The following RAPGEF5 variants were observed in gnomAD, a reference collection of about 807,000 sequenced individuals.
RAPGEF5 encodes the protein M-Ras-regulated GEF.
Under a neutral mutation model 125.2 loss-of-function variants are expected in RAPGEF5, and 65 were observed. That is an observed-to-expected ratio of 0.52 (90% CI 0.43 to 0.64). The LOEUF (loss-of-function observed/expected upper bound fraction) is 0.64, where lower values mean the gene tolerates loss of function less well. RAPGEF5 is among the 30% of genes least tolerant of loss of function. The pLI, the probability that RAPGEF5 is intolerant of heterozygous loss-of-function variation, is 0.00. For synonymous variants in RAPGEF5, 391 were observed against 385.9 expected (o/e 1.01, Z -0.16); for missense variants, 958 against 1,048.1 (o/e 0.91, Z 1.19).
chr7:22,340,963 G>GT (rs1784116730), intron 1 of RAPGEF5, among the ~76,000 whole-genome samples: 1 of 152,196 alleles, frequency 6.6e-6, no homozygotes, highest in Non-Finnish European at 1.5e-5. Context: ...GCCACACTGA[G>GT]TAACACGAGG....
At chr7:22,301,614 CAAAAAAAA>C (rs35404390) in intron 5 of RAPGEF5, among the ~76,000 whole-genome samples, 1 of 83,808 alleles carries the variant, frequency 1.2e-5, no homozygotes, top group Non-Finnish European at 2.4e-5. Flanking sequence ...GACTCTGTCT[CAAAAAAAA>C]AAAAAAAAAA....
At chr7:22,308,613 G>T (rs2128152518) in intron 4 of RAPGEF5, 106 bp from the exon 5 acceptor site, 2 of 917,890 alleles carry the variant, frequency 2.2e-6, no homozygotes, top group South Asian at 2.0e-5. Context: ...AGCAATCAGG[G>T]TTAAGACTAT....
chr7:22,186,717 C>G (rs141733959), intron 11 of RAPGEF5, among the ~76,000 whole-genome samples: 11 of 152,142 alleles, frequency 7.2e-5, no homozygotes, highest in African/African-American at 2.6e-4. Context: ...AACTAAAATT[C>G]ACAGTTACAT....
At chr7:22,170,628 T>C (rs1784319733) in intron 11 of RAPGEF5, among the ~76,000 whole-genome samples, 1 of 152,208 alleles carries the variant, frequency 6.6e-6, no homozygotes, top group Admixed American at 6.5e-5. Flanking sequence ...AGTCATTCCA[T>C]TCCAGAACAA....
intron 7 of RAPGEF5, among the ~76,000 whole-genome samples, chr7:22,245,369 TC>T (rs1429700507): frequency 5.3e-5 from 8 of 152,176 alleles, no homozygotes; most frequent in Admixed American, 2.0e-4. Context: ...TGGGGTCATT[TC>T]CACAAAAATC....
chr7:22,199,427 G>A (rs954522495), intron 9 of RAPGEF5, among the ~76,000 whole-genome samples: 11 of 147,218 alleles, frequency 7.5e-5, no homozygotes, highest in Admixed American at 6.9e-4. Context: ...GGGGCTCCCA[G>A]TATATAAGCT....
rs1562711574 is a variant in RAPGEF5 at position 22,140,119 on chromosome 7, T to C, written c.2187-4A>G. ...CAGGTTTCTCTGGGCTTTGCAGCTATAAAATAAAAGAGAGTAGAGGACACT... is the reference window on the plus strand; with the variant it reads ...CAGGTTTCTCTGGGCTTTGCAGCTACAAAATAAAAGAGAGTAGAGGACACT... On this transcript the variant is annotated splice_region_variant and splice_polypyrimidine_tract_variant and intron_variant, in intron 20 of 25. Coordinates refer to ENST00000665637, the MANE Select transcript of RAPGEF5 (RefSeq NM_012294.5). The C allele has an allele frequency of 1.2e-5, 19 of 1,551,838 alleles. No homozygotes were observed. The East Asian group carries it at 1.5e-4, about 12-fold the overall frequency.
intron 21 of RAPGEF5, among the ~76,000 whole-genome samples, chr7:22,137,640 T>C (rs1434975746): frequency 6.6e-6 from 1 of 152,204 alleles, no homozygotes; most frequent in Admixed American, 6.5e-5. Flanking sequence ...AGTAATCTTT[T>C]GTGGTAAACA....
intron 6 of RAPGEF5, among the ~76,000 whole-genome samples, chr7:22,289,350 T>C (rs1448781259): frequency 6.6e-6 from 1 of 152,192 alleles, no homozygotes; most frequent in Non-Finnish European, 1.5e-5. Context: ...AAATTCTGAG[T>C]TCTGACTCTT....
intron 18 of RAPGEF5, among the ~76,000 whole-genome samples, chr7:22,149,653 T>A (rs573397588): frequency 6.6e-6 from 1 of 151,834 alleles, no homozygotes; most frequent in East Asian, 1.9e-4. Flanking sequence ...CCCATCACCA[T>A]GACCCCGTTC....
chr7:22,176,350 A>C (rs1784508177), intron 11 of RAPGEF5, among the ~76,000 whole-genome samples: 1 of 152,192 alleles, frequency 6.6e-6, no homozygotes, highest in Non-Finnish European at 1.5e-5. Flanking sequence ...TGGTTAACAG[A>C]AATTCTAGGA....
intron 23 of RAPGEF5, among the ~76,000 whole-genome samples, chr7:22,135,618 T>G (rs1783056622): frequency 6.6e-6 from 1 of 152,222 alleles, no homozygotes; most frequent in Admixed American, 6.5e-5. Flanking sequence ...GTACTTCTCA[T>G]ACAACAGCAA....
intron 3 of RAPGEF5, 43 bp from the exon 4 acceptor site, chr7:22,310,133 T>C: frequency 6.9e-7 from 1 of 1,452,534 alleles, no homozygotes; most frequent in Non-Finnish European, 9.1e-7. Context: ...ATTGCTGACA[T>C]CCGTTTGCCA....
intron 1 of RAPGEF5, among the ~76,000 whole-genome samples, chr7:22,350,336 A>G (rs944903096): frequency 6.6e-6 from 1 of 152,236 alleles, no homozygotes; most frequent in Non-Finnish European, 1.5e-5. Context: ...TACTCACTAT[A>G]TGTTGGGATA....
At chr7:22,218,806 C>T (rs1293618420) in intron 9 of RAPGEF5, among the ~76,000 whole-genome samples, 1 of 152,170 alleles carries the variant, frequency 6.6e-6, no homozygotes, top group Non-Finnish European at 1.5e-5. Context: ...AGTCAATAGT[C>T]GCCTCTGAAA....
Position 22,291,225 on chromosome 7 carries a change from C to T in RAPGEF5, c.697G>A (p.Glu233Lys), listed in dbSNP as rs1349966794. 1 of 1,557,594 alleles carries T rather than the reference C, an allele frequency of 6.4e-7. No homozygotes were observed. The highest frequency in any genetic ancestry group is 8.7e-7 in the Non-Finnish European group (1 of 1,154,858). The change falls in exon 6 of 26, where the codon GAA (glutamate) becomes AAA (lysine). Residue 233 changes from glutamate (E) to lysine (K), a missense_variant. Transcript: ENST00000665637. Reference sequence around the variant, plus strand: ...TCATCACTGCTTTCTTCGGAGTCTTCAATTTTCTGATGAGACCTAAAAAAA... The same window carrying T: ...TCATCACTGCTTTCTTCGGAGTCTTTAATTTTCTGATGAGACCTAAAAAAA... The part of the protein sequence containing the change: ...GICELSHQKI[E>K]DSEESSDEIL...
In RAPGEF5 at chr7:22,248,854, A is replaced by G. The variant is rs1178978445; in HGVS notation, c.797-17935T>C. Among the ~76,000 whole-genome samples the G allele has an allele frequency of 2.0e-5, 3 of 152,182 alleles. No individual in the cohort carries two copies. In the East Asian group the frequency reaches 5.8e-4, roughly 29 times the overall value. On this transcript the variant is annotated intron_variant, in intron 7 of 25. Transcript: ENST00000665637. ...CTATAAAAGTAAGATGGCAAATTGT[A>G]TGGGTCATGCTTTGCTCCCTATTGT... is the stretch of plus-strand genomic sequence containing the variant.
In RAPGEF5 at chr7:22,219,991, C is replaced by G; in HGVS notation, c.871G>C (p.Ala291Pro). The part of the protein sequence containing the change: ...TEAESVPDSQ[A>P]GVMCKLQERD... ...TCCTGGAGCTTGCACATCACCCCTGCCTTAAGAGTTGGAGAAAAAGCGAAG... is the reference window on the plus strand; with the variant it reads ...TCCTGGAGCTTGCACATCACCCCTGGCTTAAGAGTTGGAGAAAAAGCGAAG... Residue 291 changes from alanine (A) to proline (P), a missense_variant and splice_region_variant, in exon 9 of 26, where the codon GCA becomes CCA. Physicochemically the swap from Ala to Pro is conservative, Grantham distance 27. Transcript: ENST00000665637. 6.2e-7 allele frequency: 1 copy of G among 1,613,282 alleles called. No homozygotes were observed.
At chr7:22,154,924 C>T (rs1488204284) in intron 16 of RAPGEF5, among the ~76,000 whole-genome samples, 1 of 152,170 alleles carries the variant, frequency 6.6e-6, no homozygotes, top group African/African-American at 2.4e-5. Context: ...ACCATCTGAC[C>T]ATAATACAGT....
Sources: allele counts gnomAD v4.1 joint callset (sites outside exome capture counted in the v4.1 genomes callset), GRCh38; gene constraint gnomAD v4.1.1; transcripts MANE v1.5; gene names NCBI Gene and HGNC (gene_info 2026-07-23, HGNC 2026-07-21).